DCUN1D3: variants seen among roughly 807,000 people sequenced by gnomAD.
The protein encoded by DCUN1D3 is defective in cullin neddylation 1 domain containing 3.
Under a neutral mutation model 24.8 loss-of-function variants are expected in DCUN1D3, and 6 were observed. The ratio of observed to expected loss-of-function variants is 0.24; its 90% CI spans 0.13 to 0.48. The LOEUF (loss-of-function observed/expected upper bound fraction) is 0.48. DCUN1D3 is among the 20% of genes least tolerant of loss of function. The probability of loss-of-function intolerance (pLI) is 0.99; values close to 1 mark genes in which losing one functional copy is unlikely to be tolerated. For missense variants in DCUN1D3, 258 were observed against 379.4 expected, an observed-to-expected ratio of 0.68 and a Z score of 2.66; for synonymous variants, 120 against 144.9, an observed-to-expected ratio of 0.83 and a Z score of 1.24.
chr16:20,859,069 C>A lies in DCUN1D3; in HGVS notation c.*817G>T, dbSNP rs1196255141. On this transcript the variant is annotated 3_prime_UTR_variant, in exon 3 of 3. Coordinates refer to ENST00000324344, the MANE Select transcript of DCUN1D3 (RefSeq NM_173475.4). Reference sequence around the variant, plus strand: ...TACTTCCAGCAAAACTGAGGTAGCACTGCTTTCTCCGCATTCAATGCTTAA... The same window carrying A: ...TACTTCCAGCAAAACTGAGGTAGCAATGCTTTCTCCGCATTCAATGCTTAA... 1 of 152,490 alleles carries A rather than the reference C, an allele frequency of 6.6e-6. No individual in the cohort carries two copies. The highest frequency in any genetic ancestry group is 2.1e-4 in the South Asian group (1 of 4,824). The allele number at this position is 152,490 out of a possible 1,614,324, so 9.4% of individuals were successfully genotyped here. A position where few individuals can be genotyped will look rare whatever the true frequency, so the allele number is the denominator to read the frequency against.
At chr16:20,866,957 C>A (rs1320562957) in intron 1 of DCUN1D3, among the ~76,000 whole-genome samples, 2 of 152,240 alleles carry the variant, frequency 1.3e-5, no homozygotes, top group African/African-American at 4.8e-5. Flanking sequence ...ATGGCCCAGG[C>A]TGGCAGCACT....
In DCUN1D3 at chr16:20,859,942, C is replaced by T. The variant is rs1249895641; in HGVS notation, c.859G>A (p.Gly287Arg). 1 of 1,614,096 alleles carries T rather than the reference C, an allele frequency of 6.2e-7. No homozygotes were observed. Among genetic ancestry groups the T allele is most frequent in the Non-Finnish European group, 8.5e-7 (1 of 1,180,044 alleles). ...EMERRKREGE[G>R]RGALSSGPEG... ...GGCCCTGAGCTGAGTGCACCTCTCC[C>T]TTCCCCTTCTCTTTTCCTTCGCTCC... The change falls in exon 3 of 3, where the codon GGG becomes AGG. Residue 287 changes from glycine to arginine, a missense_variant. Gly to Arg is a moderately radical substitution (Grantham distance 125, BLOSUM62 -2). Coordinates refer to ENST00000324344, the MANE Select transcript of DCUN1D3 (RefSeq NM_173475.4).
At chr16:20,883,009 C>T (rs2081852113) in intron 1 of DCUN1D3, among the ~76,000 whole-genome samples, 1 of 152,036 alleles carries the variant, frequency 6.6e-6, no homozygotes. Context: ...ATGCTTGAGA[C>T]CAGAAGTGTT....
Position 20,866,711 on chromosome 16 carries a change from T to C in DCUN1D3, c.-105-4068A>G, listed in dbSNP as rs189074004. Among the ~76,000 whole-genome samples the C allele has an allele frequency of 1.5e-4, 23 of 152,316 alleles. No homozygotes were observed. The East Asian group carries it at 4.4e-3, about 29-fold the overall frequency. ...TGATCAATCAGCAAATGCCAGAAGG[T>C]TGGATCGTTCTTCCACTCTGGTCTC... On this transcript the variant is annotated intron_variant, in intron 1 of 2. Transcript: ENST00000324344.
At position 20,862,152 on chromosome 16, in the gene DCUN1D3, G is replaced by C. The variant is rs761710534; in HGVS notation, c.387C>G (p.Leu129=). The C allele has an allele frequency of 6.8e-6, 11 of 1,614,096 alleles. No individual in the cohort carries two copies. The highest frequency in any genetic ancestry group is 1.3e-5 in the African/African-American group (1 of 74,926). ...TTGCAGCCTGGAACTTCCAAGCCAA[G>C]AGCAGCACTCGAAATTCTGTGGGGT... The part of the protein sequence containing the change: ...CVDPTEFRVL[L]LAWKFQAATM... Residue 129 remains leucine, a synonymous_variant, in exon 2 of 3, where the codon CTC becomes CTG. Coordinates refer to ENST00000324344, the MANE Select transcript of DCUN1D3 (RefSeq NM_173475.4).
intron 1 of DCUN1D3, among the ~76,000 whole-genome samples, chr16:20,863,562 A>G (rs973908759): frequency 6.6e-6 from 1 of 152,142 alleles, no homozygotes; most frequent in African/African-American, 2.4e-5. Context: ...TGGGAGACAT[A>G]GCAAGACCCT....
At position 20,862,254 on chromosome 16, in the gene DCUN1D3, G is replaced by C; in HGVS notation, c.285C>G (p.Phe95Leu). Residue 95 changes from phenylalanine to leucine, a missense_variant, in exon 2 of 3, where the codon TTC becomes TTG. Transcript: ENST00000324344. Reference protein sequence around the residue: ...ESSLQRLEELFRRYKDEREDA... With the variant: ...ESSLQRLEELLRRYKDEREDA... ...CTTCCCGCTCATCCTTGTAGCGCCT[G>C]AACAGTTCTTCCAATCTTTGCAAGG... 6.2e-7 allele frequency: 1 copy of C among 1,614,198 alleles called. No individual in the cohort carries two copies. Among genetic ancestry groups the C allele is most frequent in the Non-Finnish European group, 8.5e-7 (1 of 1,180,032 alleles).
At chr16:20,898,168 C>T (rs568134853) in intron 1 of DCUN1D3, among the ~76,000 whole-genome samples, 2 of 152,332 alleles carry the variant, frequency 1.3e-5, no homozygotes, top group Admixed American at 6.5e-5. Context: ...GTTCCCTGAA[C>T]CTGGAAGGAT....
intron 1 of DCUN1D3, among the ~76,000 whole-genome samples, chr16:20,877,232 CA>C (rs1312612780): frequency 6.6e-6 from 1 of 150,646 alleles, no homozygotes; most frequent in African/African-American, 2.4e-5. Context: ...TATCAATTAA[CA>C]AAAAAATGGG....
rs760300262 is a variant in DCUN1D3 at position 20,862,547 on chromosome 16, T to A, written c.-9A>T. The stretch of plus-strand genomic sequence containing the variant: ...GTGACACACTGGCCCATGGTGCTGG[T>A]GGCCTGGCCTCTAGAGTGGACCCCT... On this transcript the variant is annotated 5_prime_UTR_variant, in exon 2 of 3. Coordinates refer to ENST00000324344, the MANE Select transcript of DCUN1D3 (RefSeq NM_173475.4). 3.1e-6 allele frequency: 5 copies of A among 1,595,668 alleles called. No homozygotes were observed. In the South Asian group the frequency reaches 3.3e-5, roughly 11 times the overall value.
chr16:20,894,042 A>C (rs1274715900), intron 1 of DCUN1D3, among the ~76,000 whole-genome samples: 1 of 152,154 alleles, frequency 6.6e-6, no homozygotes, highest in East Asian at 1.9e-4. Flanking sequence ...CGAGGCAGGC[A>C]GATCACTTGA....
chr16:20,858,235 G>A lies in DCUN1D3; in HGVS notation c.*1651C>T, dbSNP rs2081711820. The A allele has an allele frequency of 6.6e-6, 1 of 152,626 alleles. No individual in the cohort carries two copies. The highest frequency in any genetic ancestry group is 1.5e-5 in the Non-Finnish European group (1 of 68,048). 9.5% of individuals were successfully genotyped at this position (152,626 alleles called of 1,614,324 possible). ...CAGGAGGACCCTCTAACTGAAACCA[G>A]GTAGGCCCAGAGTGAGCTCCTCAGG... On this transcript the variant is annotated 3_prime_UTR_variant, in exon 3 of 3. Transcript: ENST00000324344.
At chr16:20,863,695 A>G (rs955254349) in intron 1 of DCUN1D3, among the ~76,000 whole-genome samples, 1 of 152,198 alleles carries the variant, frequency 6.6e-6, no homozygotes, top group Non-Finnish European at 1.5e-5. Context: ...GTGAGCTGGG[A>G]TAGCACCACT....
intron 1 of DCUN1D3, among the ~76,000 whole-genome samples, chr16:20,884,072 G>A (rs1371751095): frequency 6.6e-6 from 1 of 152,152 alleles, no homozygotes; most frequent in East Asian, 1.9e-4. Context: ...TGTAAGAATG[G>A]CTTGTAAAGG....
chr16:20,870,028 A>G (rs1239941980), intron 1 of DCUN1D3, among the ~76,000 whole-genome samples: 1 of 152,190 alleles, frequency 6.6e-6, no homozygotes, highest in Non-Finnish European at 1.5e-5. Context: ...GGAACAGAAT[A>G]CGCCCCCAGG....
Position 20,859,059 on chromosome 16 carries a change from T to C in DCUN1D3, c.*827A>G, listed in dbSNP as rs1195830055. On this transcript the variant is annotated 3_prime_UTR_variant, in exon 3 of 3. Coordinates refer to ENST00000324344, the MANE Select transcript of DCUN1D3 (RefSeq NM_173475.4). ...CAAAGAAGTCTACTTCCAGCAAAAC[T>C]GAGGTAGCACTGCTTTCTCCGCATT... 6.6e-6 allele frequency: 1 copy of C among 152,366 alleles called. No individual in the cohort carries two copies. Among genetic ancestry groups the C allele is most frequent in the East Asian group, 1.9e-4 (1 of 5,166 alleles). The allele number at this position is 152,366 out of a possible 1,614,324, so 9.4% of individuals were successfully genotyped here.
At chr16:20,895,278 T>C (rs2081910450) in intron 1 of DCUN1D3, among the ~76,000 whole-genome samples, 1 of 214 alleles carries the variant, frequency 4.7e-3, no homozygotes, top group South Asian at 0.071. Flanking sequence ...TAAATTTTTT[T>C]AGAGACAGGG....
intron 1 of DCUN1D3, among the ~76,000 whole-genome samples, chr16:20,889,722 C>A (rs2081883226): frequency 3.3e-5 from 5 of 152,132 alleles, no homozygotes; most frequent in Admixed American, 3.3e-4. Context: ...GATCCTAAAA[C>A]CCTTGGAATT....
chr16:20,876,221 C>G (rs993431765), intron 1 of DCUN1D3, among the ~76,000 whole-genome samples: 3 of 152,130 alleles, frequency 2.0e-5, no homozygotes, highest in African/African-American at 7.2e-5. Flanking sequence ...CCTGCCTCAG[C>G]CTCCCAAAGT....
Sources: gnomAD v4.1 joint callset for allele counts (sites outside exome capture counted in the v4.1 genomes callset) on GRCh38, gnomAD v4.1.1 for gene constraint, MANE v1.5 for transcripts, NCBI Gene and HGNC (gene_info 2026-07-23, HGNC 2026-07-21) for gene names.